Variants in TLL1 observed in about 807,000 individuals in gnomAD.
TLL1 encodes tolloid-like protein 1.
Under a neutral mutation model 128.2 loss-of-function variants are expected in TLL1, and 49 were observed. The observed-to-expected ratio is 0.38, with a 90% confidence interval of 0.30 to 0.48. The LOEUF (loss-of-function observed/expected upper bound fraction) is 0.48. Ranked by LOEUF, TLL1 falls within the 20% of genes least tolerant of loss-of-function variation. The pLI is 0.96. For synonymous variants in TLL1, 454 were observed against 418.8 expected (o/e 1.08, Z -1.03); for missense variants, 1,123 against 1,242.0 (o/e 0.90, Z 1.44).
At chr4:165,955,906 A>G (rs1734764204) in intron 1 of TLL1, among the ~76,000 whole-genome samples, 1 of 152,132 alleles carries the variant, frequency 6.6e-6, no homozygotes, top group Non-Finnish European at 1.5e-5. Flanking sequence ...ATAAAGAGAA[A>G]GGGTACCAAG....
At chr4:166,008,081 A>G in intron 7 of TLL1, 33 bp downstream of exon 7, 1 of 1,519,352 alleles carries the variant, frequency 6.6e-7, no homozygotes, top group Non-Finnish European at 9.1e-7. Flanking sequence ...TTTGACTTTT[A>G]ATTCCTTTCC....
Position 165,993,167 on chromosome 4 carries a change from T to C in TLL1, c.361+283T>C, listed in dbSNP as rs1170621603. On this transcript the variant is annotated intron_variant, in intron 3 of 20. Coordinates refer to ENST00000061240, the MANE Select transcript of TLL1 (RefSeq NM_012464.5). The stretch of plus-strand genomic sequence containing the variant: ...ATACTTATTTCCAGGCAATTCAGCA[T>C]CACACCAAGGTATTTTTATAAAGCC... Among the ~76,000 whole-genome samples, 4 of 152,050 alleles carry C rather than the reference T, an allele frequency of 2.6e-5. No individual in the cohort carries two copies. The East Asian group carries it at 7.7e-4, about 29-fold the overall frequency.
rs1267242962 is a variant in TLL1 at position 166,074,977 on chromosome 4, A to G, written c.2288A>G (p.His763Arg). The change falls in exon 17 of 21, where the codon CAT becomes CGT. Residue 763 changes from histidine (H) to arginine (R), a missense_variant. Coordinates refer to ENST00000061240, the MANE Select transcript of TLL1 (RefSeq NM_012464.5). ...MCQCRNGFVL[H>R]DNKHDCKEAE... ...CAATGCCGTAATGGATTTGTGCTACATGACAATAAACATGATTGCAAGGAA... is the reference window on the plus strand; with the variant it reads ...CAATGCCGTAATGGATTTGTGCTACGTGACAATAAACATGATTGCAAGGAA... 3.7e-6 allele frequency: 6 copies of G among 1,613,536 alleles called. No homozygotes were observed. Among genetic ancestry groups the G allele is most frequent in the African/African-American group, 1.3e-5 (1 of 74,916 alleles).
intron 1 of TLL1, among the ~76,000 whole-genome samples, chr4:165,915,958 G>T (rs1324355087): frequency 6.6e-6 from 1 of 152,112 alleles, no homozygotes; most frequent in Non-Finnish European, 1.5e-5. Flanking sequence ...CAAACCCGGG[G>T]TTGCCTTAGG....
chr4:166,041,936 G>T, intron 10 of TLL1, 91 bp from the exon 11 acceptor site: 2 of 860,334 alleles, frequency 2.3e-6, no homozygotes, highest in Non-Finnish European at 1.9e-6. Context: ...AACCAAATCG[G>T]TGTTTACATA....
intron 16 of TLL1, among the ~76,000 whole-genome samples, chr4:166,069,130 G>C (rs1740702170): frequency 6.6e-6 from 1 of 151,688 alleles, no homozygotes; most frequent in African/African-American, 2.4e-5. Context: ...CTGCCTTATA[G>C]ACACCTATTT....
At chr4:166,045,529 C>A (rs977146923) in intron 12 of TLL1, among the ~76,000 whole-genome samples, 10 of 152,064 alleles carry the variant, frequency 6.6e-5, no homozygotes, top group Non-Finnish European at 1.5e-5. Context: ...ACAGGAAGAA[C>A]CTCAGGTCTC....
intron 18 of TLL1, among the ~76,000 whole-genome samples, chr4:166,084,992 C>A (rs1741442971): frequency 1.3e-5 from 2 of 151,428 alleles, no homozygotes; most frequent in African/African-American, 2.4e-5. Flanking sequence ...GTAGAGATTT[C>A]CACTTACTGG....
At chr4:166,084,531 T>C (rs1236360136) in intron 18 of TLL1, among the ~76,000 whole-genome samples, 1 of 152,170 alleles carries the variant, frequency 6.6e-6, no homozygotes, top group Non-Finnish European at 1.5e-5. Context: ...TATATTTACG[T>C]CTTTAATTCA....
chr4:165,990,465 C>T (rs1483666691), intron 2 of TLL1, among the ~76,000 whole-genome samples: 1 of 151,708 alleles, frequency 6.6e-6, no homozygotes, highest in African/African-American at 2.4e-5. Context: ...ACTTTTTTTG[C>T]CACTTTTTAC....
intron 1 of TLL1, among the ~76,000 whole-genome samples, chr4:165,877,777 CTT>C (rs35301128): frequency 0.061 from 8,773 of 143,850 alleles, 738 homozygotes; most frequent in African/African-American, 0.2. Flanking sequence ...CTTCTTCTTT[CTT>C]TTTTTTTTTT....
intron 9 of TLL1, among the ~76,000 whole-genome samples, chr4:166,026,329 A>G (rs1738488737): frequency 6.6e-6 from 1 of 152,052 alleles, no homozygotes; most frequent in African/African-American, 2.4e-5. Context: ...GGGAGAGTGC[A>G]GTGAGCTGAA....
At chr4:166,009,529 C>T (rs1210798907) in intron 7 of TLL1, among the ~76,000 whole-genome samples, 1 of 151,448 alleles carries the variant, frequency 6.6e-6, no homozygotes, top group Non-Finnish European at 1.5e-5. Context: ...ACCTCACCCA[C>T]ACCTGCTTAT....
chr4:166,082,687 GT>G (rs370221164), intron 18 of TLL1, among the ~76,000 whole-genome samples: 20 of 151,768 alleles, frequency 1.3e-4, no homozygotes, highest in African/African-American at 4.4e-4. Flanking sequence ...TGTTTCGTTT[GT>G]TTTTTTGGAG....
chr4:165,915,764 A>G (rs977486389), intron 1 of TLL1, among the ~76,000 whole-genome samples: 4 of 152,194 alleles, frequency 2.6e-5, no homozygotes, highest in Admixed American at 6.5e-5. Context: ...CAGGAATTGT[A>G]ATTCCTCTAT....
chr4:166,000,557 CA>C (rs2111028953), intron 5 of TLL1, among the ~76,000 whole-genome samples: 1 of 152,274 alleles, frequency 6.6e-6, no homozygotes, highest in South Asian at 2.1e-4. Flanking sequence ...CTGTCTCCCA[CA>C]TTTTGACTTG....
At chr4:165,925,899 C>T (rs1456524301) in intron 1 of TLL1, among the ~76,000 whole-genome samples, 1 of 152,154 alleles carries the variant, frequency 6.6e-6, no homozygotes, top group South Asian at 2.1e-4. Context: ...ACTGAAGGCT[C>T]AAATGACTGT....
intron 1 of TLL1, among the ~76,000 whole-genome samples, chr4:165,959,997 A>G (rs1735017259): frequency 6.6e-6 from 1 of 152,134 alleles, no homozygotes; most frequent in Non-Finnish European, 1.5e-5. Context: ...ATTCGAGCAG[A>G]GCTGAATGAA....
At chr4:166,073,927 T>C (rs750676166) in intron 16 of TLL1, among the ~76,000 whole-genome samples, 31 of 152,108 alleles carry the variant, frequency 2.0e-4, no homozygotes, top group Non-Finnish European at 4.0e-4. Flanking sequence ...TCCTTTTCAT[T>C]CTCTATGTGT....
Sources: allele counts gnomAD v4.1 joint callset (sites outside exome capture counted in the v4.1 genomes callset), GRCh38; gene constraint gnomAD v4.1.1; transcripts MANE v1.5; gene names NCBI Gene and HGNC (gene_info 2026-07-23, HGNC 2026-07-21).